IER3IP1: variants seen among roughly 807,000 people sequenced by gnomAD.
The protein encoded by IER3IP1 is immediate early response 3 interacting protein 1.
Under a neutral mutation model 12.2 loss-of-function variants are expected in IER3IP1, and 16 were observed. The observed-to-expected ratio is 1.31, with a 90% CI of 0.89 to 1.99. The LOEUF (loss-of-function observed/expected upper bound fraction) is 1.99. Among genes scored for constraint, IER3IP1 ranks in the 30% most tolerant of loss-of-function variants. IER3IP1 has a pLI of 0.00. For synonymous variants in IER3IP1, 42 were observed against 40.0 expected (o/e 1.05, Z -0.19); for missense variants, 95 against 95.8 (o/e 0.99, Z 0.03).
At chr18:47,164,593 G>A (rs913885627) in intron 1 of IER3IP1, among the ~76,000 whole-genome samples, 4 of 151,610 alleles carry the variant, frequency 2.6e-5, no homozygotes, top group African/African-American at 9.7e-5. Flanking sequence ...GATTGCTTGA[G>A]CCCAGGAGTT....
rs534373290 is a variant in IER3IP1 at position 47,155,238 on chromosome 18, A to C, written c.*939T>G. 2 of 152,224 alleles carry C rather than the reference A, an allele frequency of 1.3e-5. No individual in the cohort carries two copies. Among genetic ancestry groups the C allele is most frequent in the Admixed American group, 6.5e-5 (1 of 15,278 alleles). The allele number at this position is 152,224 out of a possible 1,614,324, so 9.4% of individuals were successfully genotyped here. On this transcript the variant is annotated 3_prime_UTR_variant, in exon 3 of 3. Coordinates refer to ENST00000256433, the MANE Select transcript of IER3IP1 (RefSeq NM_016097.5). Reference sequence around the variant, plus strand: ...GAGACATAAAAACAAAAGACAACCTATCCAGCATCAATGTCCTATTGACAA... The same window carrying C: ...GAGACATAAAAACAAAAGACAACCTCTCCAGCATCAATGTCCTATTGACAA...
At chr18:47,162,640 T>C (rs892348051) in intron 1 of IER3IP1, among the ~76,000 whole-genome samples, 39 of 150,826 alleles carry the variant, frequency 2.6e-4, no homozygotes, top group African/African-American at 9.3e-4. Context: ...AAAAAGAAAA[T>C]TGGAGTATAA....
chr18:47,156,055 C>A lies in IER3IP1; in HGVS notation c.*122G>T. On this transcript the variant is annotated 3_prime_UTR_variant, in exon 3 of 3. Coordinates refer to ENST00000256433, the MANE Select transcript of IER3IP1 (RefSeq NM_016097.5). ...TAAATAGAAACCCTGGTTTTATTTT[C>A]AGCTTTACATTTTTGACAAGTGCAA... 1.5e-6 allele frequency: 1 copy of A among 672,666 alleles called. No individual in the cohort carries two copies. Among genetic ancestry groups the A allele is most frequent in the Non-Finnish European group, 2.7e-6 (1 of 376,826 alleles). 41.7% of individuals were successfully genotyped at this position (672,666 alleles called of 1,614,324 possible).
At chr18:47,174,610 A>G (rs1264713121) in intron 1 of IER3IP1, among the ~76,000 whole-genome samples, 1 of 151,806 alleles carries the variant, frequency 6.6e-6, no homozygotes, top group African/African-American at 2.4e-5. Context: ...CGGAGGATGC[A>G]GTGAACCGAG....
intron 1 of IER3IP1, among the ~76,000 whole-genome samples, chr18:47,173,531 G>A (rs565367683): frequency 6.6e-6 from 1 of 152,196 alleles, no homozygotes; most frequent in South Asian, 2.1e-4. Flanking sequence ...TTTTAGTAGA[G>A]ACAGGTTTCA....
intron 1 of IER3IP1, among the ~76,000 whole-genome samples, chr18:47,166,524 G>A (rs889982017): frequency 2.1e-4 from 32 of 152,262 alleles, no homozygotes; most frequent in African/African-American, 7.7e-4. Flanking sequence ...GACAAATACT[G>A]GGGAAGGATA....
chr18:47,159,237 T>A (rs1028881036), intron 1 of IER3IP1, among the ~76,000 whole-genome samples: 1 of 152,230 alleles, frequency 6.6e-6, no homozygotes, highest in African/African-American at 2.4e-5. Flanking sequence ...TCATCTGAAG[T>A]ACTGTGACAA....
At chr18:47,167,247 C>T (rs930049237) in intron 1 of IER3IP1, among the ~76,000 whole-genome samples, 10 of 152,116 alleles carry the variant, frequency 6.6e-5, no homozygotes, top group African/African-American at 1.9e-4. Flanking sequence ...GACAGGGTTT[C>T]ACCATGTTGG....
chr18:47,156,266 A>G (rs199821202), intron 2 of IER3IP1, 34 bp from the exon 3 acceptor site: 4 of 1,257,350 alleles, frequency 3.2e-6, no homozygotes, highest in Admixed American at 1.8e-5. Context: ...TGTTACTATA[A>G]AGAAAAAACA....
intron 1 of IER3IP1, among the ~76,000 whole-genome samples, chr18:47,175,740 C>G (rs2064030714): frequency 6.6e-6 from 1 of 151,976 alleles, no homozygotes; most frequent in Non-Finnish European, 1.5e-5. Flanking sequence ...GGATTACAGG[C>G]GGGAGCCACC....
At chr18:47,163,037 C>T (rs2063984725) in intron 1 of IER3IP1, among the ~76,000 whole-genome samples, 2 of 151,916 alleles carry the variant, frequency 1.3e-5, no homozygotes, top group South Asian at 4.2e-4. Context: ...GGCATATACT[C>T]CAAGATCCCC....
At chr18:47,173,780 T>G (rs1392857564) in intron 1 of IER3IP1, among the ~76,000 whole-genome samples, 4 of 152,240 alleles carry the variant, frequency 2.6e-5, no homozygotes, top group African/African-American at 9.6e-5. Context: ...GGTTGGTTCC[T>G]TCTGGGGGGC....
rs148161126 is a variant in IER3IP1, at chr18:47,167,660, ATATTT to A, written c.91+8522_91+8526del. On this transcript the variant is annotated intron_variant, in intron 1 of 2. Coordinates refer to ENST00000256433, the MANE Select transcript of IER3IP1 (RefSeq NM_016097.5). The stretch of plus-strand genomic sequence containing the variant: ...TGTGGAGATGGAATGGAATTACAGT[ATATTT>A]TATATTACCCCAATCAATAATGTGA... Among the ~76,000 whole-genome samples, 1,118 of 152,320 alleles carry A rather than the reference ATATTT, an allele frequency of 7.3e-3. 9 individuals are homozygous for A. The highest frequency in any genetic ancestry group is 0.025 in the African/African-American group (1,029 of 41,550).
At position 47,154,301 on chromosome 18, in the gene IER3IP1, C is replaced by T. The variant is rs1473221781; in HGVS notation, c.*1876G>A. On this transcript the variant is annotated 3_prime_UTR_variant, in exon 3 of 3. Transcript: ENST00000256433. ...TTACAGACCCCTCTTCAGCCACAAA[C>T]TGGAATTATGAAGTGGCCTCCAGAT... 1 of 152,184 alleles carries T rather than the reference C, an allele frequency of 6.6e-6. No individual in the cohort carries two copies. Among genetic ancestry groups the T allele is most frequent in the Non-Finnish European group, 1.5e-5 (1 of 68,044 alleles). The allele number at this position is 152,184 out of a possible 1,614,324, so 9.4% of individuals were successfully genotyped here. A position where few individuals can be genotyped will look rare whatever the true frequency, so the allele number is the denominator to read the frequency against.
At chr18:47,169,074 C>T (rs1364553106) in intron 1 of IER3IP1, among the ~76,000 whole-genome samples, 5 of 152,176 alleles carry the variant, frequency 3.3e-5, no homozygotes, top group African/African-American at 1.2e-4. Flanking sequence ...AACCACTTCC[C>T]ACAACCTCAG....
chr18:47,163,066 T>C (rs1043639347), intron 1 of IER3IP1, among the ~76,000 whole-genome samples: 2 of 152,130 alleles, frequency 1.3e-5, no homozygotes, highest in Admixed American at 1.3e-4. Flanking sequence ...CCTGAAACCA[T>C]AGATAGTACC....
chr18:47,159,924 G>C (rs753427979), intron 1 of IER3IP1, among the ~76,000 whole-genome samples: 2 of 151,264 alleles, frequency 1.3e-5, no homozygotes, highest in South Asian at 2.1e-4. Flanking sequence ...GGCCGGGCGC[G>C]GTGGCTCACA....
intron 1 of IER3IP1, among the ~76,000 whole-genome samples, chr18:47,175,306 T>C (rs192751727): frequency 1.3e-5 from 2 of 152,326 alleles, no homozygotes; most frequent in African/African-American, 4.8e-5. Context: ...AAACTTTTCT[T>C]GGAACATGAG....
intron 1 of IER3IP1, among the ~76,000 whole-genome samples, chr18:47,164,054 A>AG (rs1304466397): frequency 6.6e-6 from 1 of 152,172 alleles, no homozygotes; most frequent in African/African-American, 2.4e-5. Flanking sequence ...CATACTTCCC[A>AG]GCAATCTTTT....
Sources: allele counts gnomAD v4.1 joint callset (sites outside exome capture counted in the v4.1 genomes callset), GRCh38; gene constraint gnomAD v4.1.1; transcripts MANE v1.5; gene names NCBI Gene and HGNC (gene_info 2026-07-23, HGNC 2026-07-21).